Variants in KIFBP observed in about 807,000 individuals in gnomAD.
The protein encoded by KIFBP is kinesin family binding protein.
A neutral mutation model predicts 58.9 loss-of-function variants in KIFBP; 46 were observed. The ratio of observed to expected loss-of-function variants is 0.78; its 90% CI spans 0.62 to 1.00. The LOEUF is 1.00. KIFBP is among the 50% of genes least tolerant of loss of function. KIFBP has a pLI of 0.00. For synonymous variants in KIFBP, 241 were observed against 283.4 expected (o/e 0.85, Z 1.50); for missense variants, 651 against 752.9 (o/e 0.86, Z 1.58).
chr10:69,013,454 G>A (rs1398564553), intron 6 of KIFBP, among the ~76,000 whole-genome samples: 1 of 152,122 alleles, frequency 6.6e-6, no homozygotes, highest in Non-Finnish European at 1.5e-5. Context: ...TTCTGGTCAG[G>A]TAAAGAAAGC....
At chr10:69,003,774 A>C (rs1341649701) in intron 2 of KIFBP, among the ~76,000 whole-genome samples, 4 of 152,326 alleles carry the variant, frequency 2.6e-5, no homozygotes, top group South Asian at 4.1e-4. Context: ...TGAGAAAAAA[A>C]TATTAGAATA....
At chr10:69,013,643 C>T (rs1156589555) in intron 6 of KIFBP, among the ~76,000 whole-genome samples, 1 of 152,048 alleles carries the variant, frequency 6.6e-6, no homozygotes, top group Non-Finnish European at 1.5e-5. Flanking sequence ...ATGATTTGAC[C>T]CTTACCTTTC....
chr10:69,016,180 A>G lies in KIFBP; in HGVS notation c.1630A>G (p.Met544Val). 1 of 1,613,862 alleles carries G rather than the reference A, an allele frequency of 6.2e-7. No homozygotes were observed. Among genetic ancestry groups the G allele is most frequent in the South Asian group, 1.1e-5 (1 of 90,968 alleles). ...AGGGGAAGATGTTCTTCGCCCTGCC[A>G]TGTTAGCTAAGTTTCGAGTTGCCCG... is the stretch of plus-strand genomic sequence containing the variant. ...HIGEDVLRPAMLAKFRVARLY... is the reference protein window; with the variant it reads ...HIGEDVLRPAVLAKFRVARLY... Residue 544 changes from methionine (M) to valine (V), a missense_variant, in exon 7 of 7, where the codon ATG (methionine) becomes GTG (valine). Physicochemically the swap from Met to Val is conservative, Grantham distance 21. Coordinates refer to ENST00000361983, the MANE Select transcript of KIFBP (RefSeq NM_015634.4).
rs572485003 is a variant in KIFBP at position 69,005,904 on chromosome 10, T to A, written c.778T>A (p.Tyr260Asn). 11 of 1,613,774 alleles carry A rather than the reference T, an allele frequency of 6.8e-6. No homozygotes were observed. Among genetic ancestry groups the A allele is most frequent in the Non-Finnish European group, 8.5e-6 (10 of 1,179,886 alleles). ...AINAATLSQFYINKLCFMEAR... is the reference protein window; with the variant it reads ...AINAATLSQFNINKLCFMEAR... ...CAATGCTGCTACCTTGTCACAGTTT[T>A]ACATCAATAAGGTAAGCTTCTTGAA... Residue 260 changes from tyrosine (Y) to asparagine (N), a missense_variant, in exon 4 of 7, where the codon TAC becomes AAC. By Grantham distance (143) the Tyr-to-Asn change is moderately radical. Coordinates refer to ENST00000361983, the MANE Select transcript of KIFBP (RefSeq NM_015634.4).
At chr10:69,009,729 A>G (rs912463654) in intron 5 of KIFBP, among the ~76,000 whole-genome samples, 6 of 152,310 alleles carry the variant, frequency 3.9e-5, no homozygotes, top group African/African-American at 1.2e-4. Flanking sequence ...TTAGAAAATC[A>G]CAGTTAACAT....
At chr10:68,994,370 A>G (rs976940883) in intron 1 of KIFBP, among the ~76,000 whole-genome samples, 15 of 152,296 alleles carry the variant, frequency 9.8e-5, no homozygotes, top group Admixed American at 4.6e-4. Context: ...ATGGGAATTC[A>G]TGATATTCTA....
chr10:69,011,188 A>C (rs1843585659), intron 6 of KIFBP, 173 bp downstream of exon 6: 1 of 601,536 alleles, frequency 1.7e-6, no homozygotes, highest in African/African-American at 1.8e-5. Flanking sequence ...GAATTGCTTG[A>C]ATCCGGGAGG....
At chr10:69,003,067 A>G (rs1436401550) in intron 2 of KIFBP, among the ~76,000 whole-genome samples, 2 of 148,152 alleles carry the variant, frequency 1.3e-5, no homozygotes, top group South Asian at 2.1e-4. Context: ...AAAAAAAGTT[A>G]CTAAGCATCA....
At chr10:68,996,240 CAA>C (rs1843405840) in intron 1 of KIFBP, among the ~76,000 whole-genome samples, 1 of 151,392 alleles carries the variant, frequency 6.6e-6, no homozygotes. Context: ...AAAAAAAATC[CAA>C]AACACCAAAC....
At chr10:69,003,069 T>C (rs1350050239) in intron 2 of KIFBP, among the ~76,000 whole-genome samples, 1 of 148,506 alleles carries the variant, frequency 6.7e-6, no homozygotes, top group Non-Finnish European at 1.5e-5. Flanking sequence ...AAAAAGTTAC[T>C]AAGCATCAAT....
chr10:68,997,116 C>A (rs1454755824), intron 1 of KIFBP, among the ~76,000 whole-genome samples: 1 of 152,050 alleles, frequency 6.6e-6, no homozygotes, highest in Non-Finnish European at 1.5e-5. Context: ...TCCTCAGTAT[C>A]CAGGACTATA....
In KIFBP at chr10:69,016,074, T is replaced by A. The variant is rs1404262531; in HGVS notation, c.1524T>A (p.Asn508Lys). Residue 508 changes from asparagine to lysine, a missense_variant, in exon 7 of 7, where the codon AAT becomes AAA. Physicochemically the swap from Asn to Lys is moderately conservative, Grantham distance 94. Coordinates refer to ENST00000361983, the MANE Select transcript of KIFBP (RefSeq NM_015634.4). The stretch of plus-strand genomic sequence containing the variant: ...CACACATTGTAAAAAAAATAAATAA[T>A]CTTAATAAGTCAGCACTGAAGTACT... ...PDSHIVKKIN[N>K]LNKSALKYYQ... 1.2e-6 allele frequency: 2 copies of A among 1,613,848 alleles called. No individual in the cohort carries two copies. Among genetic ancestry groups the A allele is most frequent in the Non-Finnish European group, 1.7e-6 (2 of 1,179,954 alleles).
chr10:69,005,695 A>C, intron 3 of KIFBP, 37 bp from the exon 4 acceptor site: 1 of 1,494,154 alleles, frequency 6.7e-7, no homozygotes, highest in Non-Finnish European at 9.3e-7. Flanking sequence ...AAACAAGTAA[A>C]CCATTACACA....
intron 5 of KIFBP, among the ~76,000 whole-genome samples, chr10:69,010,281 A>T (rs1843577350): frequency 6.6e-6 from 1 of 152,234 alleles, no homozygotes; most frequent in South Asian, 2.1e-4. Context: ...TCTTTTACTC[A>T]GTAAATTCCA....
chr10:69,012,327 A>C (rs1429911353), intron 6 of KIFBP, among the ~76,000 whole-genome samples: 1 of 152,198 alleles, frequency 6.6e-6, no homozygotes, highest in African/African-American at 2.4e-5. Context: ...GAGACATACT[A>C]AGTCCTTAAT....
At chr10:69,006,477 GT>G (rs1183241792) in intron 4 of KIFBP, among the ~76,000 whole-genome samples, 1 of 152,042 alleles carries the variant, frequency 6.6e-6, no homozygotes, top group Non-Finnish European at 1.5e-5. Flanking sequence ...CTTCTTAGTT[GT>G]TTATCAGAAT....
chr10:69,008,821 GTTGT>G lies in KIFBP; in HGVS notation c.790-17_790-14del. The G allele has an allele frequency of 6.3e-7, 1 of 1,582,480 alleles. No homozygotes were observed. ...AAGCTGTGTGATAGTTGCATTCACT[GTTGT>G]TTATTTCCCCAATAGCTATGCTTTA... On this transcript the variant is annotated splice_polypyrimidine_tract_variant and intron_variant, in intron 4 of 6. Coordinates refer to ENST00000361983, the MANE Select transcript of KIFBP (RefSeq NM_015634.4).
chr10:69,006,001 T>G, intron 4 of KIFBP, 86 bp downstream of exon 4: 1 of 1,222,232 alleles, frequency 8.2e-7, no homozygotes, highest in South Asian at 1.3e-5. Flanking sequence ...TACTATCTTT[T>G]AAAAACAGGT....
intron 1 of KIFBP, among the ~76,000 whole-genome samples, chr10:68,996,378 TG>T (rs1843407667): frequency 6.6e-6 from 1 of 151,914 alleles, no homozygotes; most frequent in African/African-American, 2.4e-5. Context: ...CTGGCCAACA[TG>T]GCAAAACCCC....
Sources: allele counts gnomAD v4.1 joint callset (sites outside exome capture counted in the v4.1 genomes callset), GRCh38; gene constraint gnomAD v4.1.1; transcripts MANE v1.5; gene names NCBI Gene and HGNC (gene_info 2026-07-23, HGNC 2026-07-21).